The following TBL1X variants were observed in gnomAD, a reference collection of about 807,000 sequenced individuals.
TBL1X encodes F-box-like/WD repeat-containing protein TBL1X.
In TBL1X, 10 loss-of-function variants were observed where a neutral mutation model predicts 50.7. The observed-to-expected ratio is 0.20, with a 90% CI of 0.12 to 0.33. The LOEUF is 0.33. TBL1X is among the 10% of genes least tolerant of loss of function. TBL1X has a pLI of 1.00. For synonymous variants in TBL1X, 190 were observed against 214.7 expected, an observed-to-expected ratio of 0.88 and a Z score of 1.01; for missense variants, 340 against 504.4, an observed-to-expected ratio of 0.67 and a Z score of 3.12.
chrX:9,539,463 T>C (rs1245393439), intron 2 of TBL1X, among the ~76,000 whole-genome samples: 12 of 111,446 alleles, frequency 1.1e-4, no homozygotes, highest in Admixed American at 9.5e-4. Flanking sequence ...GTTTCTGTTA[T>C]AAATTTGGGG....
rs761795861 is a variant in TBL1X, at chrX:9,705,086, G to A, written c.1208G>A (p.Arg403His). ...CIHVCRLGCDRPVKTFQGHTN... is the reference protein window; with the variant it reads ...CIHVCRLGCDHPVKTFQGHTN... ...CATGTGTGCAGGCTCGGCTGTGACC[G>A]CCCAGTCAAAACCTTCCAGGGACAC... Residue 403 changes from arginine to histidine, a missense_variant, in exon 13 of 18, where the codon CGC becomes CAC. This residue lies in a region of TBL1X where 170 missense variants were observed against 272.6 expected (regional missense o/e 0.62). Transcript: ENST00000645353. 3.9e-5 allele frequency: 47 copies of A among 1,210,615 alleles called. No individual in the cohort carries two copies. Among genetic ancestry groups the A allele is most frequent in the East Asian group, 2.1e-4 (7 of 33,794 alleles).
At position 9,701,070 on chromosome X, in the gene TBL1X, C is replaced by T. The variant is rs774259179; in HGVS notation, c.1114+3641C>T. On this transcript the variant is annotated intron_variant, in intron 12 of 17. Transcript: ENST00000645353. ...GTGGCGACGGAACACTTCTGGGTCT[C>T]AGTTGCAGCGATACACATCTACCCA... Among the ~76,000 whole-genome samples the T allele has an allele frequency of 5.4e-5, 6 of 110,222 alleles. No homozygotes were observed. In the East Asian group the frequency reaches 8.6e-4, roughly 16 times the overall value.
intron 2 of TBL1X, among the ~76,000 whole-genome samples, chrX:9,612,995 C>A (rs1601794085): frequency 9.6e-6 from 1 of 104,331 alleles, no homozygotes; most frequent in Admixed American, 1.0e-4. Flanking sequence ...TTTACATTTT[C>A]AAAGATTAAC....
intron 12 of TBL1X, among the ~76,000 whole-genome samples, chrX:9,700,237 C>T (rs144812445): frequency 0.011 from 1,183 of 109,595 alleles, 8 homozygotes; most frequent in African/African-American, 0.037. Flanking sequence ...GCCCTAGACA[C>T]GCAGACCCCG....
In TBL1X at chrX:9,589,852, CAT is replaced by C. The variant is rs778625505; in HGVS notation, c.-130-50420_-130-50419del. ...ATTACAAAAGGGACAAAAGTAGTGA[CAT>C]GTGGGGAAGAAACCCAGCAGATACC... On this transcript the variant is annotated intron_variant, in intron 2 of 17. Transcript: ENST00000645353. Among the ~76,000 whole-genome samples the C allele has an allele frequency of 5.0e-3, 564 of 111,718 alleles. 1 individual carries two copies. Among genetic ancestry groups the C allele is most frequent in the African/African-American group, 0.017 (525 of 30,705 alleles).
intron 2 of TBL1X, among the ~76,000 whole-genome samples, chrX:9,622,270 T>C (rs2082671108): frequency 9.0e-6 from 1 of 110,933 alleles, no homozygotes; most frequent in East Asian, 2.8e-4. Flanking sequence ...TTTTTCATCT[T>C]CCTGCACTGA....
At chrX:9,645,831 A>T (rs192107198) in intron 3 of TBL1X, among the ~76,000 whole-genome samples, 260 of 111,843 alleles carry the variant, frequency 2.3e-3, no homozygotes, top group African/African-American at 7.5e-3. Context: ...GTTTGGGTCA[A>T]ACTGTAACCT....
Position 9,704,572 on chromosome X carries a change from G to A in TBL1X, c.1115-421G>A, listed in dbSNP as rs2239414. Among the ~76,000 whole-genome samples the A allele has an allele frequency of 1.9e-3, 210 of 111,755 alleles. No homozygotes were observed. In the East Asian group the frequency reaches 0.05, roughly 26 times the overall value. On this transcript the variant is annotated intron_variant, in intron 12 of 17. Coordinates refer to ENST00000645353, the MANE Select transcript of TBL1X (RefSeq NM_005647.4). ...AAGAGACTGTGTTCACGCTTGAGAC[G>A]TTTTTATCATGTTACTAAATGGGGC...
intron 12 of TBL1X, among the ~76,000 whole-genome samples, chrX:9,698,773 T>C (rs1464449200): frequency 8.9e-6 from 1 of 111,837 alleles, no homozygotes; most frequent in Non-Finnish European, 1.9e-5. Flanking sequence ...GGGCCGGCCT[T>C]GCAAGCAAGC....
chrX:9,612,349 T>C (rs934550663), intron 2 of TBL1X, among the ~76,000 whole-genome samples: 61 of 111,498 alleles, frequency 5.5e-4, no homozygotes, highest in Non-Finnish European at 1.1e-3. Context: ...CTGCGGGCAC[T>C]GTGGAAGCCA....
intron 2 of TBL1X, among the ~76,000 whole-genome samples, chrX:9,595,797 GA>G (rs1235625003): frequency 3.6e-5 from 4 of 112,377 alleles, no homozygotes; most frequent in African/African-American, 1.3e-4. Flanking sequence ...GCACAGCTGA[GA>G]TTTTGGCAAC....
Position 9,465,303 on chromosome X carries a change from GC to G in TBL1X, c.-342del, listed in dbSNP as rs902646891. 2 of 108,051 alleles carry G rather than the reference GC, an allele frequency of 1.9e-5. No homozygotes were observed. Among genetic ancestry groups the G allele is most frequent in the Admixed American group, 9.6e-5 (1 of 10,412 alleles). The allele number at this position is 108,051 out of a possible 1,213,427, so 8.9% of individuals were successfully genotyped here. On this transcript the variant is annotated 5_prime_UTR_variant, in exon 1 of 18. Transcript: ENST00000645353. ...ACTCGGCGGCGGCGGGGCGGGGGCG[GC>G]CCGGGGGCGGCGCGCGGCTGCTCCG...
rs201831313 is a variant in TBL1X, at chrX:9,689,027, CGT to C, written c.616+758_616+759del. ...GTGTGCGTGTATGTGTGCGTGTGTGCGTGTGTGCGTGCACGCGTATATGCGTG... is the reference window on the plus strand; with the variant it reads ...GTGTGCGTGTATGTGTGCGTGTGTGCGTGTGCGTGCACGCGTATATGCGTG... On this transcript the variant is annotated intron_variant, in intron 7 of 17. Transcript: ENST00000645353. Among the ~76,000 whole-genome samples the C allele has an allele frequency of 2.7e-3, 303 of 113,378 alleles. 2 individuals are homozygous for C. The highest frequency in any genetic ancestry group is 8.7e-3 in the African/African-American group (273 of 31,335).
intron 2 of TBL1X, among the ~76,000 whole-genome samples, chrX:9,555,616 G>C (rs968694799): frequency 9.0e-6 from 1 of 111,425 alleles, no homozygotes; most frequent in Non-Finnish European, 1.9e-5. Context: ...TTGAGGAACT[G>C]CCAAGCTGCT....
At chrX:9,630,279 G>A (rs894381891) in intron 2 of TBL1X, among the ~76,000 whole-genome samples, 1 of 111,607 alleles carries the variant, frequency 9.0e-6, no homozygotes, top group Non-Finnish European at 1.9e-5. Flanking sequence ...TGTTTTCTTT[G>A]CCTCCGAAAT....
chrX:9,682,407 A>G (rs1165607311), intron 5 of TBL1X, among the ~76,000 whole-genome samples: 1 of 112,124 alleles, frequency 8.9e-6, no homozygotes, highest in Non-Finnish European at 1.9e-5. Context: ...TGTGCAATTG[A>G]TTGTAAAATT....
At chrX:9,513,341 GC>G (rs1442799769) in intron 2 of TBL1X, among the ~76,000 whole-genome samples, 3 of 110,723 alleles carry the variant, frequency 2.7e-5, no homozygotes, top group Non-Finnish European at 5.7e-5. Flanking sequence ...TCACGAGGTG[GC>G]CTGATGGTGT....
intron 1 of TBL1X, among the ~76,000 whole-genome samples, chrX:9,479,938 A>ATGTGTGTGTGTGTGTATGTG (rs1555956771): frequency 1.1e-5 from 1 of 94,988 alleles, no homozygotes; most frequent in Non-Finnish European, 2.1e-5. Flanking sequence ...GGAAAGTAGA[A>ATGTGTGTGTGTGTGTATGTG]TGTGTGTGTG....
At position 9,697,386 on chromosome X, in the gene TBL1X, T is replaced by A; in HGVS notation, c.1071T>A (p.Asp357Glu). The A allele has an allele frequency of 8.3e-7, 1 of 1,211,377 alleles. No homozygotes were observed. Among genetic ancestry groups the A allele is most frequent in the Non-Finnish European group, 1.1e-6 (1 of 895,635 alleles). ...GAACACAGACAACAATAATTTGGGA[T>A]GCCCACACAGGAGAAGCCAAACAGC... is the stretch of plus-strand genomic sequence containing the variant. ...AGVDKTTIIW[D>E]AHTGEAKQQF... The change falls in exon 12 of 18, where the codon GAT becomes GAA. Residue 357 changes from aspartate to glutamate, a missense_variant. Coordinates refer to ENST00000645353, the MANE Select transcript of TBL1X (RefSeq NM_005647.4).
Sources: gnomAD v4.1 joint callset for allele counts (sites outside exome capture counted in the v4.1 genomes callset) on GRCh38, gnomAD v4.1.1 for gene constraint, gnomAD v4.1.1 regional missense constraint, MANE v1.5 for transcripts, NCBI Gene and HGNC (gene_info 2026-07-23, HGNC 2026-07-21) for gene names.